UBASH3B: variants seen among roughly 807,000 people sequenced by gnomAD.
UBASH3B encodes the protein ubiquitin associated and SH3 domain containing B, also known as ubiquitin-associated and SH3 domain-containing protein B.
Under a neutral mutation model 83.4 loss-of-function variants are expected in UBASH3B, and 37 were observed. The ratio of observed to expected loss-of-function variants is 0.44; its 90% CI spans 0.34 to 0.58. UBASH3B has a LOEUF of 0.58. UBASH3B is among the 20% of genes least tolerant of loss of function. The pLI is 0.01. For missense variants in UBASH3B, 657 were observed against 827.2 expected, an observed-to-expected ratio of 0.79 and a Z score of 2.52; for synonymous variants, 304 against 318.3, an observed-to-expected ratio of 0.96 and a Z score of 0.48.
At chr11:122,770,606 G>T (rs948942202) in intron 1 of UBASH3B, among the ~76,000 whole-genome samples, 1 of 152,120 alleles carries the variant, frequency 6.6e-6, no homozygotes, top group African/African-American at 2.4e-5. Context: ...AGCCAACAAA[G>T]AAAACGGCAG....
intron 1 of UBASH3B, among the ~76,000 whole-genome samples, chr11:122,760,509 C>A (rs1861352613): frequency 6.6e-6 from 1 of 152,066 alleles, no homozygotes; most frequent in Admixed American, 6.5e-5. Context: ...TACAGGCATG[C>A]ACCACCGCAC....
At position 122,713,063 on chromosome 11, in the gene UBASH3B, ACG is replaced by A. The variant is rs575781116; in HGVS notation, c.161+56855_161+56856del. Among the ~76,000 whole-genome samples, 22 of 151,236 alleles carry A rather than the reference ACG, an allele frequency of 1.5e-4. No individual in the cohort carries two copies. The South Asian group carries it at 4.6e-3, about 32-fold the overall frequency. ...GCTGGGACTACAGGCACCCGCCACCACGCCCAGCTAATTTTTTGTATTTTTAG... is the reference window on the plus strand; with the variant it reads ...GCTGGGACTACAGGCACCCGCCACCACCCAGCTAATTTTTTGTATTTTTAG... On this transcript the variant is annotated intron_variant, in intron 1 of 13. Coordinates refer to ENST00000284273, the MANE Select transcript of UBASH3B (RefSeq NM_032873.5).
rs374356085 is a variant in UBASH3B at position 122,742,238 on chromosome 11, G to A, written c.162-33981G>A. 2.7e-4 allele frequency among the ~76,000 whole-genome samples: 41 copies of A among 152,280 alleles called. No homozygotes were observed. The East Asian group carries it at 6.0e-3, about 22-fold the overall frequency. On this transcript the variant is annotated intron_variant, in intron 1 of 13. Coordinates refer to ENST00000284273, the MANE Select transcript of UBASH3B (RefSeq NM_032873.5). ...ACCTTTTTAGAAAAGGGTGGGACTT[G>A]GAGAAAAAGAGATTTGGACAGTATT... is the stretch of plus-strand genomic sequence containing the variant.
At chr11:122,721,379 G>A (rs541734628) in intron 1 of UBASH3B, among the ~76,000 whole-genome samples, 5 of 152,224 alleles carry the variant, frequency 3.3e-5, no homozygotes, top group African/African-American at 1.2e-4. Flanking sequence ...ACTACGGGGG[G>A]GTGGGAGTGG....
At chr11:122,794,579 C>A (rs1052081482) in intron 6 of UBASH3B, 123 bp from the exon 7 acceptor site, 116 of 1,219,326 alleles carry the variant, frequency 9.5e-5, no homozygotes, top group Non-Finnish European at 1.3e-4. Flanking sequence ...TGCTCAGCAT[C>A]CCCCATCATT....
At chr11:122,708,392 A>T (rs1026407469) in intron 1 of UBASH3B, among the ~76,000 whole-genome samples, 6 of 151,160 alleles carry the variant, frequency 4.0e-5, no homozygotes, top group Non-Finnish European at 7.4e-5. Flanking sequence ...CCCAGGTTCA[A>T]GCAATTCTCC....
intron 6 of UBASH3B, among the ~76,000 whole-genome samples, chr11:122,793,541 A>G (rs1364139755): frequency 6.6e-6 from 1 of 152,222 alleles, no homozygotes; most frequent in Non-Finnish European, 1.5e-5. Context: ...CAAGAAATCT[A>G]TAAAATTTAA....
chr11:122,656,172 G>A lies in UBASH3B; in HGVS notation c.123G>A (p.Leu41=). Residue 41 remains leucine, a synonymous_variant, in exon 1 of 14, where the codon CTG becomes CTA. Coordinates refer to ENST00000284273, the MANE Select transcript of UBASH3B (RefSeq NM_032873.5). ...RPGTIKHGSA[L]DVLLSMGFPR... ...GCACCATCAAGCATGGATCGGCGCT[G>A]GACGTGCTCCTCTCCATGGGGTTCC... 6.4e-7 allele frequency: 1 copy of A among 1,554,364 alleles called. No homozygotes were observed. Among genetic ancestry groups the A allele is most frequent in the Non-Finnish European group, 8.7e-7 (1 of 1,152,318 alleles).
intron 12 of UBASH3B, 125 bp from the exon 13 acceptor site, chr11:122,807,942 C>A: frequency 1.3e-6 from 1 of 742,772 alleles, no homozygotes; most frequent in South Asian, 1.5e-5. Context: ...CAAAATATTG[C>A]TTAGGCAAAT....
At chr11:122,744,732 T>G (rs1225873448) in intron 1 of UBASH3B, among the ~76,000 whole-genome samples, 1 of 151,708 alleles carries the variant, frequency 6.6e-6, no homozygotes, top group Non-Finnish European at 1.5e-5. Context: ...ATGTGAGTGT[T>G]TTGTGTGTGA....
At chr11:122,792,296 TTTTC>T (rs907566973) in intron 6 of UBASH3B, among the ~76,000 whole-genome samples, 9 of 147,212 alleles carry the variant, frequency 6.1e-5, no homozygotes, top group Admixed American at 5.0e-4. Context: ...TAAAACTGGA[TTTTC>T]TTTTTTTTTT....
chr11:122,747,999 G>T (rs1355960043), intron 1 of UBASH3B, among the ~76,000 whole-genome samples: 1 of 152,206 alleles, frequency 6.6e-6, no homozygotes, highest in African/African-American at 2.4e-5. Flanking sequence ...CACATGATAA[G>T]CTTGTAAGTA....
At chr11:122,729,205 G>C (rs909874081) in intron 1 of UBASH3B, among the ~76,000 whole-genome samples, 1 of 152,148 alleles carries the variant, frequency 6.6e-6, no homozygotes, top group Non-Finnish European at 1.5e-5. Flanking sequence ...AACGCCACAG[G>C]GGCCAGCTCC....
At chr11:122,696,511 A>T in intron 1 of UBASH3B, among the ~76,000 whole-genome samples, 1 of 152,060 alleles carries the variant, frequency 6.6e-6, no homozygotes, top group East Asian at 1.9e-4. Context: ...GGGTTTCACC[A>T]TGTTGGCTAG....
At chr11:122,774,129 C>A in intron 1 of UBASH3B, 2 of 985,314 alleles carry the variant, frequency 2.0e-6, no homozygotes, top group African/African-American at 1.7e-5. Context: ...AGGCTGCAAC[C>A]CAGCAGCAGT....
intron 1 of UBASH3B, among the ~76,000 whole-genome samples, chr11:122,743,315 A>T (rs1861056744): frequency 6.6e-6 from 1 of 152,128 alleles, no homozygotes; most frequent in African/African-American, 2.4e-5. Flanking sequence ...TCCAGGGCTC[A>T]TGTGATCCTC....
At chr11:122,671,186 C>T (rs1366555539) in intron 1 of UBASH3B, among the ~76,000 whole-genome samples, 1 of 152,200 alleles carries the variant, frequency 6.6e-6, no homozygotes, top group Non-Finnish European at 1.5e-5. Flanking sequence ...CACACCACTC[C>T]TGCCTTCTGC....
chr11:122,725,161 G>A (rs947094398), intron 1 of UBASH3B, among the ~76,000 whole-genome samples: 10 of 150,916 alleles, frequency 6.6e-5, no homozygotes, highest in African/African-American at 2.0e-4. Flanking sequence ...CTAGAGACAG[G>A]GTTTCACCAT....
At chr11:122,700,759 A>G (rs944332727) in intron 1 of UBASH3B, among the ~76,000 whole-genome samples, 1 of 152,104 alleles carries the variant, frequency 6.6e-6, no homozygotes, top group Admixed American at 6.6e-5. Context: ...GGCCTCCCAA[A>G]GCGCTGGGAA....
Sources: allele counts gnomAD v4.1 joint callset (sites outside exome capture counted in the v4.1 genomes callset), GRCh38; gene constraint gnomAD v4.1.1; transcripts MANE v1.5; gene names NCBI Gene and HGNC (gene_info 2026-07-23, HGNC 2026-07-21).